The following FUBP3 variants were observed in gnomAD, a reference collection of about 807,000 sequenced individuals.
FUBP3 encodes the protein far upstream element-binding protein 3.
In FUBP3, 28 loss-of-function variants were observed where a neutral mutation model predicts 85.6. That is an observed-to-expected ratio of 0.33 (90% confidence interval 0.24 to 0.45). FUBP3 has a LOEUF of 0.45. FUBP3 is among the 20% of genes least tolerant of loss of function. The pLI is 1.00. For synonymous variants in FUBP3, 271 were observed against 271.4 expected (o/e 1.00, Z 0.01); for missense variants, 583 against 755.1 (o/e 0.77, Z 2.67).
At chr9:130,606,801 G>C (rs1378803382) in intron 2 of FUBP3, among the ~76,000 whole-genome samples, 3 of 151,376 alleles carry the variant, frequency 2.0e-5, no homozygotes, top group Non-Finnish European at 2.9e-5. Context: ...GCCTGGGCAA[G>C]AAGAGCGAGA....
chr9:130,600,189 T>C (rs1831086141), intron 2 of FUBP3, among the ~76,000 whole-genome samples: 1 of 145,644 alleles, frequency 6.9e-6, no homozygotes, highest in Non-Finnish European at 1.5e-5. Flanking sequence ...GTCATATCCT[T>C]CTCTGAATTT....
At chr9:130,604,230 A>AG (rs1184743993) in intron 2 of FUBP3, among the ~76,000 whole-genome samples, 2 of 152,102 alleles carry the variant, frequency 1.3e-5, no homozygotes, top group African/African-American at 2.4e-5. Context: ...GTCGGAGGAG[A>AG]GGGGGTCACC....
intron 1 of FUBP3, chr9:130,581,737 C>T (rs934274146): frequency 2.6e-5 from 4 of 152,180 alleles, no homozygotes; most frequent in African/African-American, 9.6e-5. Flanking sequence ...TTTATTTAAA[C>T]GCAAAGCTTT....
At chr9:130,631,312 G>A (rs1208301963) in intron 13 of FUBP3, 1 of 1,394,682 alleles carries the variant, frequency 7.2e-7, no homozygotes, top group East Asian at 2.7e-5. Flanking sequence ...CTACCCCCAG[G>A]GTGATGCCAG....
rs569302907 is a variant in FUBP3 at position 130,614,675 on chromosome 9, T to C, written c.404+330T>C. ...AACACCTCCTTTACCTGAGCAGGTC[T>C]GGATTAGTAAGCCAGTCACTTGGTG... On this transcript the variant is annotated intron_variant, in intron 6 of 18. Coordinates refer to ENST00000319725, the MANE Select transcript of FUBP3 (RefSeq NM_003934.2). Among the ~76,000 whole-genome samples the C allele has an allele frequency of 3.9e-5, 6 of 152,344 alleles. No individual in the cohort carries two copies. The South Asian group carries it at 1.2e-3, about 32-fold the overall frequency.
chr9:130,632,429 C>T (rs1222903109), intron 16 of FUBP3, 151 bp downstream of exon 16: 1 of 642,634 alleles, frequency 1.6e-6, no homozygotes, highest in East Asian at 2.7e-5. Context: ...GGCTTGGGCC[C>T]TCCTGCAGGC....
At chr9:130,582,669 G>A (rs944084826) in intron 1 of FUBP3, among the ~76,000 whole-genome samples, 4 of 152,166 alleles carry the variant, frequency 2.6e-5, no homozygotes, top group Admixed American at 2.6e-4. Flanking sequence ...TATACTGACT[G>A]TCTGCCTAGG....
In FUBP3 at chr9:130,618,353, C is replaced by T. The variant is rs762083574; in HGVS notation, c.666+458C>T. Among the ~76,000 whole-genome samples the T allele has an allele frequency of 2.6e-5, 4 of 152,320 alleles. No individual in the cohort carries two copies. The South Asian group carries it at 6.2e-4, about 24-fold the overall frequency. On this transcript the variant is annotated intron_variant, in intron 8 of 18. Coordinates refer to ENST00000319725, the MANE Select transcript of FUBP3 (RefSeq NM_003934.2). ...AGGCTCTGCTTGGCGTTTACTTGCT[C>T]GTTCTCTTCTGGGCTTATTTTGCAA... is the stretch of plus-strand genomic sequence containing the variant.
chr9:130,602,471 A>C lies in FUBP3; in HGVS notation c.190+6883A>C, dbSNP rs1831204332. ...AAAATCCCAGACCTCAAGGAGAGACAGGAGATAGGAGGTACAAGTGCTAGC... is the reference window on the plus strand; with the variant it reads ...AAAATCCCAGACCTCAAGGAGAGACCGGAGATAGGAGGTACAAGTGCTAGC... On this transcript the variant is annotated intron_variant, in intron 2 of 18. Transcript: ENST00000319725. 2.0e-5 allele frequency among the ~76,000 whole-genome samples: 3 copies of C among 152,128 alleles called. No individual in the cohort carries two copies. In the South Asian group the frequency reaches 6.2e-4, roughly 32 times the overall value.
intron 12 of FUBP3, among the ~76,000 whole-genome samples, chr9:130,628,612 C>T (rs927192448): frequency 3.7e-4 from 57 of 152,238 alleles, no homozygotes; most frequent in African/African-American, 1.3e-3. Context: ...GCCGGGGCCT[C>T]GGCTGTCTGG....
rs1588132389 is a variant in FUBP3, at chr9:130,603,346, C to CAAA, written c.191-6608_191-6607insAAA. On this transcript the variant is annotated intron_variant, in intron 2 of 18. Transcript: ENST00000319725. ...TGGGCGACAGAGCAAGACTCTGTCT[C>CAAA]CAAAAAAAAAAAAAAAAAAAAACAA... 4.6e-4 allele frequency among the ~76,000 whole-genome samples: 16 copies of CAAA among 34,878 alleles called. No homozygotes were observed. In the East Asian group the frequency reaches 6.3e-3, roughly 14 times the overall value. The allele number at this position is 34,878 out of a possible 152,430, so 22.9% of individuals were successfully genotyped here.
At chr9:130,631,044 C>G (rs1284837345) in intron 13 of FUBP3, 2 of 814,738 alleles carry the variant, frequency 2.5e-6, no homozygotes, top group African/African-American at 1.8e-5. Context: ...GAGCCGTTCC[C>G]CTGCGGGCTT....
At chr9:130,615,028 G>C (rs1831930430) in intron 6 of FUBP3, among the ~76,000 whole-genome samples, 1 of 152,190 alleles carries the variant, frequency 6.6e-6, no homozygotes, top group Admixed American at 6.5e-5. Context: ...TTTGGGGACA[G>C]GGGTGCTAAG....
intron 1 of FUBP3, chr9:130,580,614 C>A (rs1191459636): frequency 6.6e-6 from 1 of 152,194 alleles, no homozygotes; most frequent in South Asian, 2.1e-4. Context: ...CGCACTGATA[C>A]TTTAAAAGTT....
chr9:130,596,230 A>G (rs567037756), intron 2 of FUBP3, among the ~76,000 whole-genome samples: 36 of 152,308 alleles, frequency 2.4e-4, no homozygotes, highest in African/African-American at 8.2e-4. Context: ...CATCTTTATC[A>G]TATTTTGTCT....
intron 11 of FUBP3, among the ~76,000 whole-genome samples, chr9:130,625,439 G>A (rs12000213): frequency 0.21 from 31,880 of 152,160 alleles, 3,768 homozygotes; most frequent in African/African-American, 0.32. Context: ...CTGGGTAAAC[G>A]TTCACTTTAC....
At chr9:130,618,715 CAAGAATGGGTCTTCTCTGGG>C (rs1032965538) in intron 8 of FUBP3, among the ~76,000 whole-genome samples, 22 of 152,316 alleles carry the variant, frequency 1.4e-4, no homozygotes, top group South Asian at 8.3e-4. Context: ...AGGCCACCAT[CAAGAATGGGTCTTCTCTGGG>C]AAGAATGGGT....
chr9:130,597,509 T>C (rs1315288000), intron 2 of FUBP3, among the ~76,000 whole-genome samples: 2 of 152,196 alleles, frequency 1.3e-5, no homozygotes, highest in Non-Finnish European at 2.9e-5. Flanking sequence ...TTCTAAACTT[T>C]TCATCACGCC....
chr9:130,586,658 C>T (rs1830349318), intron 1 of FUBP3, among the ~76,000 whole-genome samples: 1 of 152,102 alleles, frequency 6.6e-6, no homozygotes, highest in South Asian at 2.1e-4. Flanking sequence ...AGTTCTTGGA[C>T]CCATGCCCTC....
Sources: gnomAD v4.1 joint callset for allele counts (sites outside exome capture counted in the v4.1 genomes callset) on GRCh38, gnomAD v4.1.1 for gene constraint, MANE v1.5 for transcripts, NCBI Gene and HGNC (gene_info 2026-07-23, HGNC 2026-07-21) for gene names.